Variants in EPB41L4A observed in about 807,000 individuals in gnomAD.
EPB41L4A encodes erythrocyte membrane protein band 4.1 like 4A.
In EPB41L4A, 100 loss-of-function variants were observed where a neutral mutation model predicts 108.6. The ratio of observed to expected loss-of-function variants is 0.92; its 90% CI spans 0.78 to 1.09. The LOEUF is 1.09. EPB41L4A is among the 50% of genes least tolerant of loss of function. EPB41L4A has a pLI of 0.00. For synonymous variants in EPB41L4A, 319 were observed against 289.0 expected, an observed-to-expected ratio of 1.10 and a Z score of -1.05; for missense variants, 1,030 against 842.7, an observed-to-expected ratio of 1.22 and a Z score of -2.75.
In EPB41L4A at chr5:112,165,133, A is replaced by G; in HGVS notation, c.1933-15T>C. 1 of 1,568,820 alleles carries G rather than the reference A, an allele frequency of 6.4e-7. No individual in the cohort carries two copies. Among genetic ancestry groups the G allele is most frequent in the Non-Finnish European group, 8.7e-7 (1 of 1,147,026 alleles). On this transcript the variant is annotated splice_polypyrimidine_tract_variant and intron_variant, in intron 22 of 22. Coordinates refer to ENST00000261486, the MANE Select transcript of EPB41L4A (RefSeq NM_022140.5). ...CCATTTCTTCTCTAAAATATATTTG[A>G]AAAATGTAGAAAGATTCAGAAGAAA...
intron 1 of EPB41L4A, among the ~76,000 whole-genome samples, chr5:112,398,903 G>C (rs1417186338): frequency 1.3e-5 from 2 of 150,512 alleles, no homozygotes; most frequent in African/African-American, 4.9e-5. Context: ...GATGTTTTCT[G>C]GAAGAAGCTA....
Position 112,335,020 on chromosome 5 carries a change from AT to A in EPB41L4A, c.100-27531del, listed in dbSNP as rs533261427. ...AGGGTACAGCCTCACCCCGAAAGTC[AT>A]GTTCATTTTCGTGAAGTCAATATGG... On this transcript the variant is annotated intron_variant, in intron 1 of 22. Coordinates refer to ENST00000261486, the MANE Select transcript of EPB41L4A (RefSeq NM_022140.5). 1.6e-4 allele frequency among the ~76,000 whole-genome samples: 25 copies of A among 152,316 alleles called. No homozygotes were observed. In the East Asian group the frequency reaches 4.8e-3, roughly 29 times the overall value.
At chr5:112,336,861 G>A (rs923185948) in intron 1 of EPB41L4A, among the ~76,000 whole-genome samples, 5 of 152,172 alleles carry the variant, frequency 3.3e-5, no homozygotes, top group African/African-American at 1.2e-4. Flanking sequence ...TCAAGGCCAT[G>A]TCTAAAAACA....
chr5:112,181,223 G>A (rs967763730), intron 18 of EPB41L4A, among the ~76,000 whole-genome samples: 3 of 151,238 alleles, frequency 2.0e-5, no homozygotes, highest in Admixed American at 1.3e-4. Flanking sequence ...AGGCCGAGGC[G>A]GGCGGATCAC....
Position 112,282,963 on chromosome 5 carries a change from G to A in EPB41L4A, c.205-2640C>T, listed in dbSNP as rs1394480325. On this transcript the variant is annotated intron_variant, in intron 2 of 22. Transcript: ENST00000261486. ...TCCAGAATGCTTTTCAGTCACTAAA[G>A]CCAGCTAAAGAAAATAGGAAGAAAA... 2.0e-5 allele frequency among the ~76,000 whole-genome samples: 3 copies of A among 151,770 alleles called. No homozygotes were observed. In the East Asian group the frequency reaches 5.8e-4, roughly 29 times the overall value.
chr5:112,290,392 A>T (rs1448309083), intron 2 of EPB41L4A, among the ~76,000 whole-genome samples: 1 of 152,160 alleles, frequency 6.6e-6, no homozygotes, highest in Non-Finnish European at 1.5e-5. Context: ...TGCATCTAAT[A>T]GGCTGTTTCA....
chr5:112,418,864 G>C (rs539913632), intron 1 of EPB41L4A, 77 bp downstream of exon 1: 1 of 1,168,934 alleles, frequency 8.6e-7, no homozygotes, highest in South Asian at 1.3e-5. Flanking sequence ...CGACCCACCG[G>C]TGACAGCCCT....
intron 2 of EPB41L4A, among the ~76,000 whole-genome samples, chr5:112,300,574 C>T (rs6880333): frequency 0.53 from 80,790 of 151,980 alleles, 23,338 homozygotes; most frequent in African/African-American, 0.78. Context: ...CTCACAGCTA[C>T]TAAGATTCTT....
intron 1 of EPB41L4A, among the ~76,000 whole-genome samples, chr5:112,393,156 C>A (rs1240209223): frequency 1.3e-5 from 2 of 152,156 alleles, no homozygotes; most frequent in Non-Finnish European, 2.9e-5. Flanking sequence ...CTAAAATCGA[C>A]ACCCTAACAT....
intron 17 of EPB41L4A, among the ~76,000 whole-genome samples, chr5:112,185,003 A>C (rs909293815): frequency 5.3e-5 from 8 of 152,072 alleles, no homozygotes; most frequent in Non-Finnish European, 8.8e-5. Flanking sequence ...AAGTCTTTCA[A>C]ATAATGAGGT....
intron 1 of EPB41L4A, among the ~76,000 whole-genome samples, chr5:112,354,175 G>A (rs1038896585): frequency 6.6e-6 from 1 of 152,182 alleles, no homozygotes; most frequent in African/African-American, 2.4e-5. Context: ...ATACAAAGGT[G>A]CTTTATAATA....
At chr5:112,260,498 T>C (rs1478364439) in intron 7 of EPB41L4A, among the ~76,000 whole-genome samples, 1 of 152,164 alleles carries the variant, frequency 6.6e-6, no homozygotes, top group African/African-American at 2.4e-5. Flanking sequence ...ATGCGGACAA[T>C]CATGAAACCC....
intron 1 of EPB41L4A, among the ~76,000 whole-genome samples, chr5:112,322,278 C>G: frequency 6.6e-6 from 1 of 152,176 alleles, no homozygotes; most frequent in East Asian, 1.9e-4. Flanking sequence ...AAACCATAGG[C>G]TAACTTAGCC....
intron 1 of EPB41L4A, among the ~76,000 whole-genome samples, chr5:112,381,957 A>G (rs1263091178): frequency 1.3e-5 from 2 of 152,236 alleles, no homozygotes. Context: ...CTCTAATTCT[A>G]AAAATGTCTG....
At chr5:112,313,542 G>A (rs1315056532) in intron 1 of EPB41L4A, among the ~76,000 whole-genome samples, 1 of 152,204 alleles carries the variant, frequency 6.6e-6, no homozygotes, top group African/African-American at 2.4e-5. Context: ...AGTAAGCCGA[G>A]ATCATGCCAT....
At chr5:112,410,698 C>A (rs1382245967) in intron 1 of EPB41L4A, among the ~76,000 whole-genome samples, 3 of 152,064 alleles carry the variant, frequency 2.0e-5, no homozygotes, top group Non-Finnish European at 4.4e-5. Context: ...AGGAAAGACC[C>A]TTTATTCTTC....
chr5:112,397,336 C>T (rs1477154388), intron 1 of EPB41L4A, among the ~76,000 whole-genome samples: 2 of 152,076 alleles, frequency 1.3e-5, no homozygotes, highest in Middle Eastern at 3.2e-3. Context: ...GATCTAAGAA[C>T]AGAAACAATG....
Position 112,275,386 on chromosome 5 carries a change from A to AG in EPB41L4A, c.274_275insC (p.Leu92SerfsTer6). On this transcript the variant is annotated frameshift_variant, in exon 4 of 23. Coordinates refer to ENST00000261486, the MANE Select transcript of EPB41L4A (RefSeq NM_022140.5). LOFTEE classifies it high-confidence loss of function. ...AGCATAGAATTTAATACCAAAATACAAAGTATATGGAGGTCCAGCTAAAAT... is the reference window on the plus strand; with the variant it reads ...AGCATAGAATTTAATACCAAAATACAGAAGTATATGGAGGTCCAGCTAAAAT... The AG allele has an allele frequency of 1.3e-5, 20 of 1,548,840 alleles. No homozygotes were observed. Among genetic ancestry groups the AG allele is most frequent in the Non-Finnish European group, 1.1e-5 (13 of 1,140,872 alleles).
At chr5:112,350,751 C>A (rs1726724623) in intron 1 of EPB41L4A, among the ~76,000 whole-genome samples, 1 of 152,188 alleles carries the variant, frequency 6.6e-6, no homozygotes, top group Admixed American at 6.5e-5. Context: ...GCCTGACTTA[C>A]TTCACTCAGT....
Sources: gnomAD v4.1 joint callset for allele counts (sites outside exome capture counted in the v4.1 genomes callset) on GRCh38, gnomAD v4.1.1 for gene constraint, MANE v1.5 for transcripts, NCBI Gene and HGNC (gene_info 2026-07-23, HGNC 2026-07-21) for gene names.